ZFPM2: variants seen among roughly 807,000 people sequenced by gnomAD.
ZFPM2 encodes zinc finger protein ZFPM2.
ZFPM2 carries 20 observed loss-of-function variants against 98.6 expected under a neutral mutation model. The observed-to-expected ratio is 0.20, with a 90% CI of 0.14 to 0.29. The LOEUF is 0.29. Among genes scored for constraint, ZFPM2 ranks in the 10% least tolerant of loss-of-function variants. The pLI is 1.00. For synonymous variants in ZFPM2, 518 were observed against 502.7 expected, an observed-to-expected ratio of 1.03 and a Z score of -0.41; for missense variants, 1,310 against 1,388.6, an observed-to-expected ratio of 0.94 and a Z score of 0.90.
intron 1 of ZFPM2, among the ~76,000 whole-genome samples, chr8:105,335,163 C>T (rs952839422): frequency 4.6e-5 from 7 of 151,696 alleles, no homozygotes; most frequent in East Asian, 1.9e-4. Flanking sequence ...AATTATAATC[C>T]GAAAACAAAT....
At chr8:105,451,161 T>G (rs938137257) in intron 3 of ZFPM2, among the ~76,000 whole-genome samples, 2 of 152,208 alleles carry the variant, frequency 1.3e-5, no homozygotes, top group African/African-American at 4.8e-5. Flanking sequence ...TGCAAACATC[T>G]AATTTGTTTA....
At chr8:105,343,318 G>A (rs1471833489) in intron 1 of ZFPM2, among the ~76,000 whole-genome samples, 1 of 152,034 alleles carries the variant, frequency 6.6e-6, no homozygotes, top group African/African-American at 2.4e-5. Context: ...CTTTGTACTG[G>A]CCAGTCACAT....
intron 4 of ZFPM2, among the ~76,000 whole-genome samples, chr8:105,616,289 C>G (rs1259461960): frequency 1.3e-5 from 2 of 151,968 alleles, no homozygotes; most frequent in Non-Finnish European, 2.9e-5. Flanking sequence ...CCAATAGATA[C>G]AGCTTTTCAT....
intron 3 of ZFPM2, among the ~76,000 whole-genome samples, chr8:105,522,310 A>C (rs1474657534): frequency 2.6e-5 from 4 of 152,216 alleles, no homozygotes; most frequent in African/African-American, 7.2e-5. Flanking sequence ...TAAAAGGAAA[A>C]GTTAGGAACG....
chr8:105,750,807 C>A (rs1445280054), intron 5 of ZFPM2, among the ~76,000 whole-genome samples: 1 of 151,988 alleles, frequency 6.6e-6, no homozygotes, highest in East Asian at 1.9e-4. Context: ...GCAACGATGA[C>A]ATTTTAAATG....
chr8:105,542,653 G>A (rs527618795), intron 3 of ZFPM2, among the ~76,000 whole-genome samples: 14 of 152,234 alleles, frequency 9.2e-5, no homozygotes, highest in East Asian at 1.9e-4. Flanking sequence ...TTGAATGTGC[G>A]TAGATTTTGG....
rs1301728761 is a variant in ZFPM2 at position 105,631,744 on chromosome 8, G to A, written c.421-2502G>A. Among the ~76,000 whole-genome samples, 86 of 152,238 alleles carry A rather than the reference G, an allele frequency of 5.6e-4. 1 individual carries two copies. Among genetic ancestry groups the A allele is most frequent in the East Asian group, 3.9e-4 (2 of 5,174 alleles). ...TTCCTAGCACAAGGCACAGGATTGA[G>A]TTTGCTTATTTGTGAAATGAATGGA... On this transcript the variant is annotated intron_variant, in intron 4 of 7. Coordinates refer to ENST00000407775, the MANE Select transcript of ZFPM2 (RefSeq NM_012082.4).
chr8:105,696,692 T>C (rs1235416279), intron 5 of ZFPM2, among the ~76,000 whole-genome samples: 1 of 152,230 alleles, frequency 6.6e-6, no homozygotes, highest in Non-Finnish European at 1.5e-5. Context: ...TACTCTAACT[T>C]GGGAAAACTT....
chr8:105,547,090 C>G (rs1490568355), intron 3 of ZFPM2, among the ~76,000 whole-genome samples: 2 of 152,066 alleles, frequency 1.3e-5, no homozygotes, highest in East Asian at 1.9e-4. Context: ...GTAAGGTGCT[C>G]AAGCCTGTGT....
At chr8:105,722,857 T>G (rs1298504796) in intron 5 of ZFPM2, among the ~76,000 whole-genome samples, 1 of 151,882 alleles carries the variant, frequency 6.6e-6, no homozygotes, top group East Asian at 2.0e-4. Context: ...GCTCTCTCAT[T>G]TCTCTAAAAA....
intron 2 of ZFPM2, among the ~76,000 whole-genome samples, chr8:105,422,615 A>G (rs1236881161): frequency 6.6e-6 from 1 of 152,126 alleles, no homozygotes; most frequent in African/African-American, 2.4e-5. Flanking sequence ...TTTACCTGTT[A>G]CCTAGTTAAT....
At chr8:105,679,058 G>C (rs1810539011) in intron 5 of ZFPM2, 2 of 152,042 alleles carry the variant, frequency 1.3e-5, no homozygotes. Flanking sequence ...CTGTAAAATG[G>C]GTTATCTTTT....
chr8:105,607,045 C>T (rs1393526561), intron 4 of ZFPM2, among the ~76,000 whole-genome samples: 3 of 152,124 alleles, frequency 2.0e-5, no homozygotes, highest in African/African-American at 4.8e-5. Flanking sequence ...ATAAAGCTCA[C>T]ACAGATTTCG....
At chr8:105,568,823 C>T (rs1322058474) in intron 4 of ZFPM2, among the ~76,000 whole-genome samples, 1 of 152,008 alleles carries the variant, frequency 6.6e-6, no homozygotes, top group Non-Finnish European at 1.5e-5. Context: ...TGTTACTCAC[C>T]TCCCCAGGTG....
chr8:105,661,173 A>G (rs1442047953), intron 5 of ZFPM2, among the ~76,000 whole-genome samples: 1 of 152,212 alleles, frequency 6.6e-6, no homozygotes, highest in Non-Finnish European at 1.5e-5. Flanking sequence ...GAATTGCTTA[A>G]TAAGCTTCGA....
intron 4 of ZFPM2, among the ~76,000 whole-genome samples, chr8:105,591,114 A>G (rs1487820966): frequency 6.6e-6 from 1 of 152,144 alleles, no homozygotes; most frequent in Non-Finnish European, 1.5e-5. Context: ...ACAGATAAAG[A>G]AAAAAAGTAA....
intron 5 of ZFPM2, among the ~76,000 whole-genome samples, chr8:105,710,625 C>G (rs1811361815): frequency 6.6e-6 from 1 of 151,506 alleles, no homozygotes; most frequent in South Asian, 2.1e-4. Context: ...GGAACTCTGT[C>G]ATAACCTCAA....
chr8:105,370,331 C>A (rs1372282092), intron 1 of ZFPM2, among the ~76,000 whole-genome samples: 2 of 152,104 alleles, frequency 1.3e-5, no homozygotes, highest in Non-Finnish European at 2.9e-5. Context: ...AGGTAACTAC[C>A]AGTTCAGAAT....
At chr8:105,341,681 C>G (rs1586303041) in intron 1 of ZFPM2, among the ~76,000 whole-genome samples, 1 of 151,948 alleles carries the variant, frequency 6.6e-6, no homozygotes, top group East Asian at 1.9e-4. Context: ...ACTTTCAATA[C>G]TACTGTTGTA....
Sources: gnomAD v4.1 joint callset for allele counts (sites outside exome capture counted in the v4.1 genomes callset) on GRCh38, gnomAD v4.1.1 for gene constraint, MANE v1.5 for transcripts, NCBI Gene and HGNC (gene_info 2026-07-23, HGNC 2026-07-21) for gene names.